Variants in EYA4 observed in about 807,000 individuals in gnomAD.
EYA4 encodes the protein protein phosphatase EYA4.
A neutral mutation model predicts 87.9 loss-of-function variants in EYA4; 31 were observed. That is an observed-to-expected ratio of 0.35 (90% CI 0.27 to 0.48). The LOEUF (loss-of-function observed/expected upper bound fraction) is 0.48, where lower values mean the gene tolerates loss of function less well. EYA4 is among the 20% of genes least tolerant of loss of function. The pLI is 0.99. For synonymous variants in EYA4, 263 were observed against 270.6 expected (o/e 0.97, Z 0.28); for missense variants, 678 against 761.4 (o/e 0.89, Z 1.29).
chr6:133,469,649 C>A (rs1415711121), intron 11 of EYA4, among the ~76,000 whole-genome samples: 1 of 151,528 alleles, frequency 6.6e-6, no homozygotes, highest in East Asian at 1.9e-4. Flanking sequence ...CATCTATATG[C>A]AAAAGAGGAA....
chr6:133,463,724 C>G (rs568004131), intron 9 of EYA4, among the ~76,000 whole-genome samples: 2 of 152,204 alleles, frequency 1.3e-5, no homozygotes, highest in South Asian at 4.1e-4. Flanking sequence ...ACTTTAAAAG[C>G]TGGTTACTAT....
rs140801292 is a variant in EYA4 at position 133,353,638 on chromosome 6, C to T, written c.34-28754C>T. On this transcript the variant is annotated intron_variant, in intron 2 of 19. Coordinates refer to ENST00000355286, the MANE Select transcript of EYA4 (RefSeq NM_004100.5). ...CCGGATTCTCTCACCTTATGTCTAG[C>T]ATCAGGCAATTAGAATCTTCTGTAG... is the stretch of plus-strand genomic sequence containing the variant. 8.1e-4 allele frequency among the ~76,000 whole-genome samples: 123 copies of T among 152,248 alleles called. No individual in the cohort carries two copies. In the East Asian group the frequency reaches 0.013, roughly 17 times the overall value.
At chr6:133,472,543 T>C in intron 11 of EYA4, among the ~76,000 whole-genome samples, 1 of 60,024 alleles carries the variant, frequency 1.7e-5, no homozygotes, top group Non-Finnish European at 2.8e-5. Flanking sequence ...ATAGGTGTGG[T>C]GTGGTGCTGA....
intron 2 of EYA4, among the ~76,000 whole-genome samples, chr6:133,313,087 A>C (rs1024963412): frequency 1.3e-5 from 2 of 152,168 alleles, no homozygotes; most frequent in African/African-American, 4.8e-5. Flanking sequence ...CCCCAAACTC[A>C]TGTCGATAAC....
At chr6:133,385,135 TA>T in intron 3 of EYA4, among the ~76,000 whole-genome samples, 1 of 151,342 alleles carries the variant, frequency 6.6e-6, no homozygotes. Flanking sequence ...CCGTCTCTAC[TA>T]AAAAAACAAA....
chr6:133,393,336 A>C (rs1787468539), intron 3 of EYA4, among the ~76,000 whole-genome samples: 1 of 152,196 alleles, frequency 6.6e-6, no homozygotes, highest in African/African-American at 2.4e-5. Flanking sequence ...TCAGGCACCA[A>C]ATGCTTGAGA....
At chr6:133,309,161 G>C (rs1451791096) in intron 2 of EYA4, among the ~76,000 whole-genome samples, 4 of 151,690 alleles carry the variant, frequency 2.6e-5, no homozygotes, top group Admixed American at 2.0e-4. Flanking sequence ...TGTCCAATAT[G>C]ATACAGTTTC....
chr6:133,305,230 C>T lies in EYA4; in HGVS notation c.33+30417C>T, dbSNP rs116908531. On this transcript the variant is annotated intron_variant, in intron 2 of 19. Coordinates refer to ENST00000355286, the MANE Select transcript of EYA4 (RefSeq NM_004100.5). ...ATGGGGTCAGGCTAGTAGTGGGGGC[C>T]AGAGTTTGTAGGTCTTTATTGGTCA... Among the ~76,000 whole-genome samples the T allele has an allele frequency of 9.4e-4, 143 of 152,086 alleles. 1 individual carries two copies. The highest frequency in any genetic ancestry group is 1.7e-3 in the Non-Finnish European group (114 of 67,998).
intron 3 of EYA4, among the ~76,000 whole-genome samples, chr6:133,383,873 G>A (rs1241434705): frequency 6.6e-6 from 1 of 152,132 alleles, no homozygotes; most frequent in African/African-American, 2.4e-5. Context: ...TAGGATGTGC[G>A]AACAGAAGGG....
chr6:133,252,942 AACACAC>A (rs3836960), intron 1 of EYA4, among the ~76,000 whole-genome samples: 35,480 of 138,452 alleles, frequency 0.26, 4,402 homozygotes, highest in Non-Finnish European at 0.31. Context: ...GGTACTTGAA[AACACAC>A]ACACACACAC....
intron 5 of EYA4, among the ~76,000 whole-genome samples, chr6:133,450,343 G>T (rs1793309504): frequency 6.6e-6 from 1 of 152,104 alleles, no homozygotes; most frequent in Non-Finnish European, 1.5e-5. Context: ...TTTGTTGCAT[G>T]ATCTCTTCTG....
At chr6:133,302,454 T>G (rs549142526) in intron 2 of EYA4, among the ~76,000 whole-genome samples, 5 of 152,352 alleles carry the variant, frequency 3.3e-5, no homozygotes, top group Admixed American at 3.3e-4. Flanking sequence ...GTATATTCAT[T>G]AATAATCGTT....
chr6:133,439,154 C>T (rs945851621), intron 3 of EYA4, among the ~76,000 whole-genome samples: 1 of 149,942 alleles, frequency 6.7e-6, no homozygotes, highest in Admixed American at 6.7e-5. Context: ...AGTCTGTTAT[C>T]GGGATGTGCT....
At chr6:133,437,063 T>G (rs1333721655) in intron 3 of EYA4, among the ~76,000 whole-genome samples, 1 of 152,208 alleles carries the variant, frequency 6.6e-6, no homozygotes, top group African/African-American at 2.4e-5. Flanking sequence ...TTTCTTTCTT[T>G]TCCTTTTTTA....
chr6:133,421,171 T>C (rs1470159456), intron 3 of EYA4, among the ~76,000 whole-genome samples: 1 of 152,180 alleles, frequency 6.6e-6, no homozygotes, highest in Non-Finnish European at 1.5e-5. Context: ...GTGTCTACCT[T>C]TCTCTCTAAG....
At chr6:133,261,342 ATTTTGTACTTATTCTCCTGC>A (rs1173553970) in intron 1 of EYA4, among the ~76,000 whole-genome samples, 1 of 152,154 alleles carries the variant, frequency 6.6e-6, no homozygotes, top group East Asian at 1.9e-4. Context: ...TCTTAATTGT[ATTTTGTACTTATTCTCCTGC>A]TTTTGCCAAC....
intron 2 of EYA4, among the ~76,000 whole-genome samples, chr6:133,339,916 A>G (rs775176561): frequency 1.1e-4 from 16 of 152,190 alleles, no homozygotes; most frequent in Admixed American, 1.0e-3. Flanking sequence ...ATGTCAAATC[A>G]TCAGGGACGG....
At chr6:133,380,146 A>C (rs1025068744) in intron 2 of EYA4, among the ~76,000 whole-genome samples, 1 of 152,122 alleles carries the variant, frequency 6.6e-6, no homozygotes, top group Non-Finnish European at 1.5e-5. Context: ...TAGAGTAGTC[A>C]TGGTATCCTA....
intron 1 of EYA4, among the ~76,000 whole-genome samples, chr6:133,260,909 C>T (rs2128242208): frequency 6.6e-6 from 1 of 152,230 alleles, no homozygotes; most frequent in Non-Finnish European, 1.5e-5. Context: ...TTGCTTCCTG[C>T]CCATCGCCAT....
Sources: gnomAD v4.1 joint callset for allele counts (sites outside exome capture counted in the v4.1 genomes callset) on GRCh38, gnomAD v4.1.1 for gene constraint, MANE v1.5 for transcripts, NCBI Gene and HGNC (gene_info 2026-07-23, HGNC 2026-07-21) for gene names.